PZP: variants seen among roughly 807,000 people sequenced by gnomAD.
The protein encoded by PZP is pregnancy zone protein.
A neutral mutation model predicts 179.8 loss-of-function variants in PZP; 150 were observed. The observed-to-expected ratio is 0.83, with a 90% CI of 0.73 to 0.96. PZP has a LOEUF of 0.96. Among genes scored for constraint, PZP ranks in the 40% least tolerant of loss-of-function variants. PZP has a pLI of 0.00. For missense variants in PZP, 1,689 were observed against 1,764.0 expected (o/e 0.96, Z 0.76); for synonymous variants, 624 against 652.3 (o/e 0.96, Z 0.66).
chr12:9,141,931 A>G, the PZP span, among the ~76,000 whole-genome samples: 5 of 152,222 alleles, frequency 3.3e-5, no homozygotes, highest in African/African-American at 1.2e-4. Flanking sequence ...TACAGCTAAG[A>G]GTTATATGGC....
chr12:9,198,282 T>G (rs1369692528), intron 7 of PZP, among the ~76,000 whole-genome samples: 1 of 151,772 alleles, frequency 6.6e-6, no homozygotes, highest in Admixed American at 6.6e-5. Context: ...AGCCCAGGAG[T>G]TTGAGGCTAC....
At chr12:9,154,488 C>T (rs1281574732) in intron 29 of PZP, 128 bp downstream of exon 29, 1 of 962,510 alleles carries the variant, frequency 1.0e-6, no homozygotes, top group African/African-American at 1.7e-5. Context: ...TCTCATGGTC[C>T]TCAAATATTC....
chr12:9,149,498 G>A, intron 35 of PZP, 63 bp downstream of exon 35: 1 of 1,459,922 alleles, frequency 6.8e-7, no homozygotes, highest in Non-Finnish European at 9.4e-7. Context: ...AATTTAAATT[G>A]CAGGGGCCCT....
At position 9,197,114 on chromosome 12, in the gene PZP, A is replaced by G. The variant is rs59948620; in HGVS notation, c.765T>C (p.Tyr255=). Residue 255 remains tyrosine (Y), a synonymous_variant, in exon 8 of 36, where the codon TAT becomes TAC. Transcript: ENST00000261336. ...TTGCAAGTCCTGGGACAGGCTTCCC[A>G]TAAGTGTATCTGGTACATGAGAAAT... ...VNITVCGEYT[Y]GKPVPGLATV... The G allele has an allele frequency of 1.9e-3, 3,089 of 1,606,754 alleles. 49 individuals carry two copies. The African/African-American group carries it at 0.034, about 18-fold the overall frequency.
In PZP at chr12:9,162,491, T is replaced by C. The variant is rs1941277945; in HGVS notation, c.2788+106A>G. The C allele has an allele frequency of 3.7e-6, 3 of 806,904 alleles. No individual in the cohort carries two copies. The South Asian group carries it at 4.9e-5, about 13-fold the overall frequency. The allele number at this position is 806,904 out of a possible 1,614,324, so 50.0% of individuals were successfully genotyped here. A position where few individuals can be genotyped will look rare whatever the true frequency, so the allele number is the denominator to read the frequency against. ...ATATTTAGTATTATGCTGACTTTCA[T>C]GGAACACTCTGAAAACTGGGAGATA... On this transcript the variant is annotated intron_variant, in intron 22 of 35. Coordinates refer to ENST00000261336, the MANE Select transcript of PZP (RefSeq NM_002864.3).
chr12:9,192,448 G>A (rs1943512002), intron 12 of PZP, 64 bp downstream of exon 12: 1 of 1,457,080 alleles, frequency 6.9e-7, no homozygotes, highest in Non-Finnish European at 9.6e-7. Context: ...TGACATTCCT[G>A]AGCCTATTGA....
rs768544475 is a variant in PZP at position 9,166,820 on chromosome 12, A to G, written c.2108-618T>C. Among the ~76,000 whole-genome samples the G allele has an allele frequency of 7.2e-5, 11 of 152,344 alleles. No homozygotes were observed. The South Asian group carries it at 1.9e-3, about 26-fold the overall frequency. On this transcript the variant is annotated intron_variant, in intron 17 of 35. Transcript: ENST00000261336. ...TTTGGAATGGCTGTGTGGTTCAGAC[A>G]AAGAAATCATTTACCAACGTGAGAG...
chr12:9,167,151 C>T (rs1197488268), intron 17 of PZP: 1 of 152,218 alleles, frequency 6.6e-6, no homozygotes, highest in Non-Finnish European at 1.5e-5. Flanking sequence ...TCTGTCTTCA[C>T]TCTTATCTTA....
At chr12:9,177,126 G>A (rs1942421331) in intron 15 of PZP, among the ~76,000 whole-genome samples, 1 of 152,196 alleles carries the variant, frequency 6.6e-6, no homozygotes, top group African/African-American at 2.4e-5. Flanking sequence ...GTCGCACAAT[G>A]AATAGGGTTG....
At chr12:9,206,002 T>C (rs1486803936) in intron 1 of PZP, among the ~76,000 whole-genome samples, 1 of 152,156 alleles carries the variant, frequency 6.6e-6, no homozygotes, top group African/African-American at 2.4e-5. Context: ...ATCATCCAAG[T>C]TTCAGATGAT....
intron 35 of PZP, 108 bp from the exon 36 acceptor site, chr12:9,149,102 G>T: frequency 1.1e-6 from 1 of 946,562 alleles, no homozygotes; most frequent in Non-Finnish European, 1.7e-6. Context: ...CTTTGTGAAA[G>T]GCCAGATGGT....
intron 15 of PZP, among the ~76,000 whole-genome samples, chr12:9,173,236 T>G (rs1942119243): frequency 6.6e-6 from 1 of 152,108 alleles, no homozygotes; most frequent in Non-Finnish European, 1.5e-5. Flanking sequence ...GGGTAAACAA[T>G]GAAATTAAGG....
the PZP span, among the ~76,000 whole-genome samples, chr12:9,138,073 A>G: frequency 1.3e-5 from 2 of 152,042 alleles, no homozygotes; most frequent in Non-Finnish European, 2.9e-5. Flanking sequence ...AAGTGGCAAG[A>G]GTGGGCATCA....
rs1483623992 is a variant in PZP, at chr12:9,154,875, T to A, written c.3551-36A>T. The A allele has an allele frequency of 1.9e-6, 3 of 1,556,068 alleles. No individual in the cohort carries two copies. In the East Asian group the frequency reaches 6.8e-5, roughly 35 times the overall value. Reference sequence around the variant, plus strand: ...AGAAAAAGGAGATAATTGTAACTCATCAATAAGTAATTATAACTGGTAGAT... The same window carrying A: ...AGAAAAAGGAGATAATTGTAACTCAACAATAAGTAATTATAACTGGTAGAT... On this transcript the variant is annotated intron_variant, in intron 28 of 35. Transcript: ENST00000261336.
chr12:9,202,136 A>G (rs879761094), intron 4 of PZP, among the ~76,000 whole-genome samples, 183 bp downstream of exon 4: 5 of 152,150 alleles, frequency 3.3e-5, no homozygotes, highest in African/African-American at 7.2e-5. Flanking sequence ...AAGAGAAAGA[A>G]CTTCCTCATC....
At chr12:9,150,424 AG>A (rs1311015255) in intron 34 of PZP, among the ~76,000 whole-genome samples, 1 of 152,186 alleles carries the variant, frequency 6.6e-6, no homozygotes, top group Non-Finnish European at 1.5e-5. Flanking sequence ...CTGGGATTAC[AG>A]GCACACACCA....
intron 21 of PZP, among the ~76,000 whole-genome samples, chr12:9,162,870 C>T (rs188503146): frequency 3.7e-4 from 57 of 152,208 alleles, no homozygotes; most frequent in African/African-American, 1.3e-3. Flanking sequence ...ACAGATCATC[C>T]CATCACCTAG....
chr12:9,170,761 T>C lies in PZP; in HGVS notation c.1840-1170A>G, dbSNP rs893815538. Among the ~76,000 whole-genome samples, 4 of 152,352 alleles carry C rather than the reference T, an allele frequency of 2.6e-5. No homozygotes were observed. The highest frequency in any genetic ancestry group is 3.4e-3 in the Middle Eastern group (1 of 294). Reference sequence around the variant, plus strand: ...CAGACTGCTTCTTTAAGTGGGACCCTGATCCATTCCTCCTCATCGAGTGGG... The same window carrying C: ...CAGACTGCTTCTTTAAGTGGGACCCCGATCCATTCCTCCTCATCGAGTGGG... On this transcript the variant is annotated intron_variant, in intron 15 of 35. Transcript: ENST00000261336. This position sits in a 1 kb window ranked among gnomAD's most constrained non-coding sequence, Gnocchi z 4.6.
intron 5 of PZP, 89 bp downstream of exon 5, chr12:9,201,238 A>T: frequency 7.5e-7 from 1 of 1,331,228 alleles, no homozygotes; most frequent in South Asian, 1.3e-5. Context: ...GAAAATTTTT[A>T]AAGTAGTTCA....
Sources: allele counts gnomAD v4.1 joint callset (sites outside exome capture counted in the v4.1 genomes callset), GRCh38; gene constraint gnomAD v4.1.1; non-coding constraint Gnocchi (gnomAD v3.1); transcripts MANE v1.5; gene names NCBI Gene and HGNC (gene_info 2026-07-23, HGNC 2026-07-21).